The following DMBT1 variants were observed in gnomAD, a reference collection of about 807,000 sequenced individuals.
DMBT1 encodes deleted in malignant brain tumors 1.
A neutral mutation model predicts 252.9 loss-of-function variants in DMBT1; 198 were observed. The ratio of observed to expected loss-of-function variants is 0.78; its 90% confidence interval spans 0.70 to 0.88. The LOEUF (loss-of-function observed/expected upper bound fraction) is 0.88, where lower values mean the gene tolerates loss of function less well. DMBT1 is among the 40% of genes least tolerant of loss of function. DMBT1 has a pLI of 0.00. For synonymous variants in DMBT1, 990 were observed against 942.7 expected (o/e 1.05, Z -0.92); for missense variants, 2,432 against 2,404.7 (o/e 1.01, Z -0.24).
At chr10:122,573,880 G>A (rs2097688538) in intron 6 of DMBT1, 118 bp downstream of exon 6, 1 of 1,302,614 alleles carries the variant, frequency 7.7e-7, no homozygotes, top group Non-Finnish European at 1.1e-6. Context: ...CTCCCACGAG[G>A]GGCCCTTCCA....
chr10:122,629,492 G>A (rs114415088), intron 46 of DMBT1, among the ~76,000 whole-genome samples: 1,680 of 152,308 alleles, frequency 0.011, 34 homozygotes, highest in African/African-American at 0.039. Flanking sequence ...TGTTCAGCCA[G>A]GACTATCCCA....
At chr10:122,565,749 C>T (rs1015220781) in intron 1 of DMBT1, among the ~76,000 whole-genome samples, 21 of 152,212 alleles carry the variant, frequency 1.4e-4, no homozygotes, top group Non-Finnish European at 2.9e-5. Context: ...ACATATGCTT[C>T]ATTACATCTA....
At chr10:122,637,575 C>T (rs1308062398) in intron 54 of DMBT1, among the ~76,000 whole-genome samples, 1 of 152,206 alleles carries the variant, frequency 6.6e-6, no homozygotes, top group Non-Finnish European at 1.5e-5. Context: ...CTCCCATCAG[C>T]AATAACAACA....
chr10:122,586,695 C>A (rs1384703463), intron 16 of DMBT1, among the ~76,000 whole-genome samples: 1 of 148,188 alleles, frequency 6.7e-6, no homozygotes, highest in Non-Finnish European at 1.5e-5. Flanking sequence ...ATAGCTGGGG[C>A]CAGGTTGTTC....
rs866501530 is a variant in DMBT1, at chr10:122,585,824, G to A, written c.1460-236G>A. ...GCCCAGGTTAGGGAATGGGGTTTCC[G>A]TTCCTGTTAACTCCAGTAGGGTCAC... On this transcript the variant is annotated intron_variant, in intron 15 of 55. Coordinates refer to ENST00000338354, the MANE Select transcript of DMBT1 (RefSeq NM_001377530.1). Among the ~76,000 whole-genome samples, 8 of 148,630 alleles carry A rather than the reference G, an allele frequency of 5.4e-5. 2 individuals carry two copies. In the East Asian group the frequency reaches 8.3e-4, roughly 15 times the overall value.
Position 122,637,325 on chromosome 10 carries a change from C to A in DMBT1, c.6942+13C>A. On this transcript the variant is annotated intron_variant, in intron 54 of 55. Transcript: ENST00000338354. ...CACCTTCAAGCAGGTAAGCCTGGGG[C>A]TTCCCATTCCATTTCCCAGTGCACA... 6.3e-7 allele frequency: 1 copy of A among 1,584,828 alleles called. No homozygotes were observed. Among genetic ancestry groups the A allele is most frequent in the Non-Finnish European group, 8.6e-7 (1 of 1,163,752 alleles).
intron 46 of DMBT1, among the ~76,000 whole-genome samples, chr10:122,628,995 C>T (rs1446209687): frequency 1.3e-5 from 2 of 152,066 alleles, no homozygotes; most frequent in South Asian, 2.1e-4. Flanking sequence ...AAAAAAAAGA[C>T]GTTTTAATTT....
chr10:122,635,614 G>A (rs1272461918), intron 52 of DMBT1, among the ~76,000 whole-genome samples: 3 of 152,082 alleles, frequency 2.0e-5, no homozygotes, highest in Admixed American at 1.3e-4. Context: ...GCAGTGGCAC[G>A]ATCTCGGCTC....
chr10:122,634,474 C>CTCTCTT (rs1566009898), intron 52 of DMBT1, among the ~76,000 whole-genome samples: 1 of 68,142 alleles, frequency 1.5e-5, no homozygotes, highest in Non-Finnish European at 2.5e-5. Context: ...CTCTCTCTCT[C>CTCTCTT]TCTCTCTTTC....
At position 122,578,785 on chromosome 10, in the gene DMBT1, G is replaced by A. The variant is rs774359571; in HGVS notation, c.679+26G>A. On this transcript the variant is annotated intron_variant, in intron 9 of 55. Transcript: ENST00000338354. ...GTAAAGAATCCTCTCAACACTCCCT[G>A]GGGCTCACTTTCTACCTCTGGATAC... 5.0e-6 allele frequency: 8 copies of A among 1,592,414 alleles called. No individual in the cohort carries two copies. The South Asian group carries it at 9.1e-5, about 18-fold the overall frequency.
rs1315344349 is a variant in DMBT1 at position 122,579,748 on chromosome 10, C to G, written c.850C>G (p.Pro284Ala). 2 of 1,613,676 alleles carry G rather than the reference C, an allele frequency of 1.2e-6. No homozygotes were observed. The highest frequency in any genetic ancestry group is 1.7e-6 in the Non-Finnish European group (2 of 1,179,774). ...GGGCTGTGGCTGGGCCATGTCAGCC[C>G]CAGGAAATGCCCAGTTTGGCCAGGG... Reference protein sequence around the residue: ...QLGCGWAMSAPGNAQFGQGSG... With the variant: ...QLGCGWAMSAAGNAQFGQGSG... Residue 284 changes from proline to alanine, a missense_variant, in exon 10 of 56, where the codon CCA becomes GCA. Pro to Ala is a conservative substitution (Grantham distance 27). Coordinates refer to ENST00000338354, the MANE Select transcript of DMBT1 (RefSeq NM_001377530.1).
Position 122,591,394 on chromosome 10 carries a change from T to C in DMBT1, c.2138-85T>C. 9 of 1,399,738 alleles carry C rather than the reference T, an allele frequency of 6.4e-6. No homozygotes were observed. In the Middle Eastern group the frequency reaches 1.6e-3, roughly 243 times the overall value. The allele number at this position is 1,399,738 out of a possible 1,614,324, so 86.7% of individuals were successfully genotyped here. A position where few individuals can be genotyped will look rare whatever the true frequency, so the allele number is the denominator to read the frequency against. ...ACTAGAAATGGAAGAATATTCATGA[T>C]GCTTGCCTTGTCCAGAGACCTTTCC... On this transcript the variant is annotated intron_variant, in intron 18 of 55. Coordinates refer to ENST00000338354, the MANE Select transcript of DMBT1 (RefSeq NM_001377530.1).
intron 46 of DMBT1, among the ~76,000 whole-genome samples, chr10:122,628,790 G>A (rs1460095900): frequency 1.3e-5 from 2 of 152,310 alleles, no homozygotes; most frequent in East Asian, 3.9e-4. Flanking sequence ...TATAGAGACA[G>A]AAAAGTAGAT....
intron 26 of DMBT1, among the ~76,000 whole-genome samples, 153 bp from the exon 27 acceptor site, chr10:122,599,909 ATC>A (rs2097924632): frequency 6.6e-6 from 1 of 152,010 alleles, no homozygotes; most frequent in African/African-American, 2.4e-5. Context: ...TACATGGTGC[ATC>A]TCTGTGGGGA....
Position 122,590,707 on chromosome 10 carries a change from T to G in DMBT1, c.2137+13T>G, listed in dbSNP as rs1170835489. 1 of 1,586,666 alleles carries G rather than the reference T, an allele frequency of 6.3e-7. No homozygotes were observed. On this transcript the variant is annotated intron_variant, in intron 18 of 55. Coordinates refer to ENST00000338354, the MANE Select transcript of DMBT1 (RefSeq NM_001377530.1). ...ACGCCCAGGCCAGGTGAGTCCCCAG[T>G]GTCCTTCCTTGGGATGTCCCTTTTC...
Position 122,590,654 on chromosome 10 carries a change from C to T in DMBT1, c.2108-11C>T. On this transcript the variant is annotated splice_polypyrimidine_tract_variant and intron_variant, in intron 17 of 55. Transcript: ENST00000338354. ...TATAGTGCATCTGATCTGACCTCCTCTTTCTCACAGCTGCCCAGTCCCGGT... is the reference window on the plus strand; with the variant it reads ...TATAGTGCATCTGATCTGACCTCCTTTTTCTCACAGCTGCCCAGTCCCGGT... 1 of 1,587,946 alleles carries T rather than the reference C, an allele frequency of 6.3e-7. No individual in the cohort carries two copies. The highest frequency in any genetic ancestry group is 1.3e-5 in the African/African-American group (1 of 74,602).
At chr10:122,624,602 C>G (rs1260582845) in intron 44 of DMBT1, among the ~76,000 whole-genome samples, 1 of 152,190 alleles carries the variant, frequency 6.6e-6, no homozygotes, top group Non-Finnish European at 1.5e-5. Flanking sequence ...GGTGGAGGTC[C>G]TGTACCAAGT....
intron 46 of DMBT1, 99 bp from the exon 47 acceptor site, chr10:122,629,741 T>G: frequency 7.1e-7 from 1 of 1,401,940 alleles, no homozygotes; most frequent in Non-Finnish European, 9.8e-7. Flanking sequence ...TGTTATAAAG[T>G]GCAGAAGATG....
At chr10:122,597,687 T>G (rs2097895751) in intron 24 of DMBT1, among the ~76,000 whole-genome samples, 1 of 152,208 alleles carries the variant, frequency 6.6e-6, no homozygotes, top group Admixed American at 6.5e-5. Context: ...TGGTGTTAGA[T>G]GTACCCGTCA....
Sources: allele counts gnomAD v4.1 joint callset (sites outside exome capture counted in the v4.1 genomes callset), GRCh38; gene constraint gnomAD v4.1.1; transcripts MANE v1.5; gene names NCBI Gene and HGNC (gene_info 2026-07-23, HGNC 2026-07-21).